The following NLRP9 variants were observed in gnomAD, a reference collection of about 807,000 sequenced individuals.
The protein encoded by NLRP9 is NACHT, LRR and PYD domains-containing protein 9.
Under a neutral mutation model 83.1 loss-of-function variants are expected in NLRP9, and 88 were observed. The ratio of observed to expected loss-of-function variants is 1.06; its 90% CI spans 0.89 to 1.26. The LOEUF (loss-of-function observed/expected upper bound fraction) is 1.26. Among genes scored for constraint, NLRP9 ranks in the 50% most tolerant of loss-of-function variants. The pLI, the probability that NLRP9 is intolerant of heterozygous loss-of-function variation, is 0.00. For missense variants in NLRP9, 1,308 were observed against 1,179.3 expected (o/e 1.11, Z -1.60); for synonymous variants, 521 against 447.6 (o/e 1.16, Z -2.07).
At chr19:55,711,575 G>A in intron 8 of NLRP9, 1 of 975,234 alleles carries the variant, frequency 1.0e-6, no homozygotes, top group Non-Finnish European at 1.5e-6. Context: ...TGTCACAACT[G>A]AGGGAAGTGC....
At chr19:55,722,407 G>C (rs113224908) in intron 4 of NLRP9, among the ~76,000 whole-genome samples, 214 of 152,182 alleles carry the variant, frequency 1.4e-3, no homozygotes, top group African/African-American at 4.8e-3. Flanking sequence ...CTTGAATAAG[G>C]AATGAGATCT....
intron 8 of NLRP9, among the ~76,000 whole-genome samples, chr19:55,710,859 G>T (rs1568590483): frequency 6.6e-6 from 1 of 152,144 alleles, no homozygotes; most frequent in Non-Finnish European, 1.5e-5. Flanking sequence ...GCTGAGGCAG[G>T]TGGATCACCT....
At chr19:55,731,906 G>A (rs1378586896) in intron 2 of NLRP9, 93 bp downstream of exon 2, 4 of 770,244 alleles carry the variant, frequency 5.2e-6, no homozygotes, top group Non-Finnish European at 8.4e-6. Flanking sequence ...ATGCTTTTAA[G>A]CACAGTGGCA....
chr19:55,712,339 CTTCCA>C, intron 7 of NLRP9, 76 bp downstream of exon 7: 1 of 1,233,004 alleles, frequency 8.1e-7, no homozygotes, highest in South Asian at 1.4e-5. Flanking sequence ...ACCTGCCTCC[CTTCCA>C]TTCTATTGAC....
intron 4 of NLRP9, among the ~76,000 whole-genome samples, chr19:55,721,374 G>A (rs554982049): frequency 7.9e-5 from 12 of 152,260 alleles, no homozygotes; most frequent in African/African-American, 2.2e-4. Context: ...AGATACACAC[G>A]AATTAAGGTG....
In NLRP9 at chr19:55,732,592, C is replaced by T. The variant is rs575027085; in HGVS notation, c.1239G>A (p.Gly413=). The part of the protein sequence containing the change: ...IWTYTFVFSH[G]DLRRNGLSES... ...CAGATAACCCATTCCTCCGGAGATC[C>T]CCATGGGAAAATACAAATGTATATG... Residue 413 remains glycine (G), a synonymous_variant, in exon 2 of 9, where the codon GGG becomes GGA. Transcript: ENST00000332836. 3.7e-6 allele frequency: 6 copies of T among 1,614,208 alleles called. No homozygotes were observed. The highest frequency in any genetic ancestry group is 5.1e-6 in the Non-Finnish European group (6 of 1,180,034).
chr19:55,728,596 A>AAAAC (rs1043361710), intron 3 of NLRP9, among the ~76,000 whole-genome samples: 2 of 152,162 alleles, frequency 1.3e-5, no homozygotes, highest in Non-Finnish European at 2.9e-5. Context: ...CAACAAAACA[A>AAAAC]AAACAAACAA....
chr19:55,710,550 T>C (rs1987670075), intron 8 of NLRP9, among the ~76,000 whole-genome samples: 1 of 152,122 alleles, frequency 6.6e-6, no homozygotes, highest in South Asian at 2.1e-4. Context: ...TCGTGAATGG[T>C]TGAGCACCAT....
Position 55,716,718 on chromosome 19 carries a change from A to C in NLRP9, c.2330+10T>G. ...AAATCTCCGAACGTGCTTCCCGCAG[A>C]CCAACTTACATCAGCCTCTCCAGGG... On this transcript the variant is annotated intron_variant, in intron 5 of 8. Coordinates refer to ENST00000332836, the MANE Select transcript of NLRP9 (RefSeq NM_176820.4). 1 of 1,611,476 alleles carries C rather than the reference A, an allele frequency of 6.2e-7. No individual in the cohort carries two copies. The highest frequency in any genetic ancestry group is 8.5e-7 in the Non-Finnish European group (1 of 1,177,908).
intron 6 of NLRP9, among the ~76,000 whole-genome samples, 186 bp from the exon 7 acceptor site, chr19:55,712,776 A>G (rs1481407801): frequency 1.4e-5 from 1 of 73,778 alleles, no homozygotes; most frequent in Non-Finnish European, 2.6e-5. Context: ...GGAGGGTGGG[A>G]GAATGAGGGA....
At chr19:55,730,884 C>T (rs1600140769) in intron 2 of NLRP9, among the ~76,000 whole-genome samples, 1 of 152,058 alleles carries the variant, frequency 6.6e-6, no homozygotes, top group East Asian at 1.9e-4. Flanking sequence ...TGTCACAAAC[C>T]TGCACATCCT....
At position 55,732,174 on chromosome 19, in the gene NLRP9, G is replaced by C; in HGVS notation, c.1657C>G (p.Gln553Glu). Residue 553 changes from glutamine to glutamate, a missense_variant, in exon 2 of 9, where the codon CAG becomes GAG. Gln to Glu is a conservative substitution (Grantham distance 29, BLOSUM62 2). Coordinates refer to ENST00000332836, the MANE Select transcript of NLRP9 (RefSeq NM_176820.4). Reference protein sequence around the residue: ...QELFIGLFETQEKEFVTKVMN... With the variant: ...QELFIGLFETEEKEFVTKVMN... ...ACTTTGGTTACAAATTCTTTTTCCT[G>C]AGTTTCAAACAAACCAATGAATAGT... 6.2e-7 allele frequency: 1 copy of C among 1,612,736 alleles called. No homozygotes were observed. The highest frequency in any genetic ancestry group is 8.5e-7 in the Non-Finnish European group (1 of 1,179,660).
chr19:55,717,127 G>A (rs559831571), intron 4 of NLRP9, among the ~76,000 whole-genome samples: 14 of 147,590 alleles, frequency 9.5e-5, no homozygotes, highest in Non-Finnish European at 1.6e-4. Flanking sequence ...TCCACCTCCC[G>A]GGTTCAAATG....
At chr19:55,729,410 G>T (rs190569816) in intron 3 of NLRP9, among the ~76,000 whole-genome samples, 2 of 151,660 alleles carry the variant, frequency 1.3e-5, no homozygotes, top group Non-Finnish European at 2.9e-5. Context: ...AACAGGCTGC[G>T]GTATGTGATG....
intron 1 of NLRP9, among the ~76,000 whole-genome samples, chr19:55,734,384 AAAAAAAAAAATT>A (rs1304930007): frequency 6.6e-4 from 98 of 149,120 alleles, no homozygotes; most frequent in African/African-American, 2.3e-3. Context: ...AAAAAAAAAA[AAAAAAAAAAATT>A]ACTATATCAA....
At chr19:55,713,292 C>T (rs1318862007) in intron 6 of NLRP9, among the ~76,000 whole-genome samples, 1 of 151,608 alleles carries the variant, frequency 6.6e-6, no homozygotes, top group East Asian at 2.0e-4. Context: ...CTCCCTAATA[C>T]AGATAGACAG....
chr19:55,718,498 C>A (rs1159399487), intron 4 of NLRP9, among the ~76,000 whole-genome samples: 3 of 152,212 alleles, frequency 2.0e-5, no homozygotes, highest in Non-Finnish European at 4.4e-5. Context: ...GATATGCTGG[C>A]AGCAATACTG....
At position 55,729,898 on chromosome 19, in the gene NLRP9, C is replaced by T. The variant is rs758258759; in HGVS notation, c.1927G>A (p.Asp643Asn). The change falls in exon 3 of 9, where the codon GAT becomes AAT. Residue 643 changes from aspartate (D) to asparagine (N), a missense_variant. Asp to Asn is a conservative substitution (Grantham distance 23). Transcript: ENST00000332836. ...QILDMENTSL[D>N]DPSLAILCKA... ...CAAAGAATCGCCAGGGAGGGATCAT[C>T]GAGGCTGGTATTTTCCATGTCTAAA... The T allele has an allele frequency of 6.8e-6, 11 of 1,613,620 alleles. No homozygotes were observed. In the Admixed American group the frequency reaches 1.2e-4, roughly 17 times the overall value.
At chr19:55,712,638 A>C (rs373955956) in intron 6 of NLRP9, 48 bp from the exon 7 acceptor site, 1 of 1,503,282 alleles carries the variant, frequency 6.7e-7, no homozygotes, top group Non-Finnish European at 9.2e-7. Context: ...GAGGTCAATC[A>C]TAACAGCCCA....
Sources: gnomAD v4.1 joint callset for allele counts (sites outside exome capture counted in the v4.1 genomes callset) on GRCh38, gnomAD v4.1.1 for gene constraint, MANE v1.5 for transcripts, NCBI Gene and HGNC (gene_info 2026-07-23, HGNC 2026-07-21) for gene names.